The following MYO1E variants were observed in gnomAD, a reference collection of about 807,000 sequenced individuals.
MYO1E encodes unconventional myosin-Ie.
MYO1E carries 68 observed loss-of-function variants against 151.1 expected under a neutral mutation model. That is an observed-to-expected ratio of 0.45 (90% CI 0.37 to 0.55). MYO1E has a LOEUF of 0.55. Ranked by LOEUF, MYO1E falls within the 20% of genes least tolerant of loss-of-function variation. The probability of loss-of-function intolerance (pLI) is 0.00; values close to 1 mark genes in which losing one functional copy is unlikely to be tolerated. For synonymous variants in MYO1E, 601 were observed against 501.7 expected (o/e 1.20, Z -2.64); for missense variants, 1,363 against 1,389.3 (o/e 0.98, Z 0.30).
intron 22 of MYO1E, among the ~76,000 whole-genome samples, chr15:59,166,604 A>G (rs974035676): frequency 4.0e-5 from 6 of 150,970 alleles, no homozygotes; most frequent in African/African-American, 1.5e-4. Flanking sequence ...CCCTGCCTTT[A>G]TTTAAGCTTT....
intron 1 of MYO1E, among the ~76,000 whole-genome samples, chr15:59,295,303 C>T (rs1370256003): frequency 1.3e-5 from 2 of 151,978 alleles, no homozygotes; most frequent in East Asian, 3.9e-4. Flanking sequence ...AAGGCATGGA[C>T]GAGGGTAACA....
In MYO1E at chr15:59,188,097, C is replaced by T. The variant is rs77335532; in HGVS notation, c.1904+21G>A. ...CTCAATAAACCTGTTTTAAAAAAGG[C>T]CAGAGTCACTAGTTCATTACCTCTG... On this transcript the variant is annotated intron_variant, in intron 18 of 27. Transcript: ENST00000288235. 31,055 of 1,556,342 alleles carry T rather than the reference C, an allele frequency of 0.02. 2,471 individuals are homozygous for T. In the African/African-American group the frequency reaches 0.23, roughly 11 times the overall value.
At chr15:59,333,881 T>C (rs1423071274) in intron 1 of MYO1E, among the ~76,000 whole-genome samples, 4 of 152,180 alleles carry the variant, frequency 2.6e-5, no homozygotes, top group Non-Finnish European at 5.9e-5. Flanking sequence ...TACTTCTTCC[T>C]CTGAAACCCC....
intron 1 of MYO1E, among the ~76,000 whole-genome samples, chr15:59,291,190 A>G (rs1233239133): frequency 6.6e-6 from 1 of 152,246 alleles, no homozygotes; most frequent in Admixed American, 6.5e-5. Flanking sequence ...CAAGTGCACA[A>G]AAGTCTCTTT....
Position 59,163,201 on chromosome 15 carries a change from G to A in MYO1E, c.2583C>T (p.Tyr861=), listed in dbSNP as rs759402359. ...TEFLSLLAKR[Y]EEKTQKQLPL... Reference sequence around the variant, plus strand: ...GTAGTTGCTTCTGGGTCTTCTCCTCGTAACGCTTTGCTAAGAGGCTTAGGA... The same window carrying A: ...GTAGTTGCTTCTGGGTCTTCTCCTCATAACGCTTTGCTAAGAGGCTTAGGA... Residue 861 remains tyrosine, a synonymous_variant, in exon 23 of 28, where the codon TAC becomes TAT. Coordinates refer to ENST00000288235, the MANE Select transcript of MYO1E (RefSeq NM_004998.4). 1.3e-5 allele frequency: 21 copies of A among 1,613,966 alleles called. No individual in the cohort carries two copies. The highest frequency in any genetic ancestry group is 1.1e-4 in the East Asian group (5 of 44,896).
At position 59,202,311 on chromosome 15, in the gene MYO1E, T is replaced by A; in HGVS notation, c.1698+15A>T. ...CCCTTATAAGAATCTATAAACTTCCTAAAATAGAACTAACCTTTATTTTGC... is the reference window on the plus strand; with the variant it reads ...CCCTTATAAGAATCTATAAACTTCCAAAAATAGAACTAACCTTTATTTTGC... On this transcript the variant is annotated intron_variant, in intron 16 of 27. Coordinates refer to ENST00000288235, the MANE Select transcript of MYO1E (RefSeq NM_004998.4). 1 of 1,610,004 alleles carries A rather than the reference T, an allele frequency of 6.2e-7. No homozygotes were observed. The highest frequency in any genetic ancestry group is 8.5e-7 in the Non-Finnish European group (1 of 1,176,224).
intron 1 of MYO1E, among the ~76,000 whole-genome samples, chr15:59,296,063 C>A (rs2080446753): frequency 6.6e-6 from 1 of 152,248 alleles, no homozygotes; most frequent in South Asian, 2.1e-4. Flanking sequence ...AATTTCTAAG[C>A]ATACTAAAAG....
At chr15:59,217,822 C>G (rs1033709069) in intron 10 of MYO1E, 69 bp downstream of exon 10, 1 of 1,565,554 alleles carries the variant, frequency 6.4e-7, no homozygotes, top group Non-Finnish European at 8.8e-7. Flanking sequence ...GCCACCGCAC[C>G]CAGCCTACTA....
chr15:59,324,673 C>A (rs868843780), intron 1 of MYO1E, among the ~76,000 whole-genome samples: 47 of 147,144 alleles, frequency 3.2e-4, no homozygotes, highest in Middle Eastern at 3.4e-3. Context: ...GCCCCCCCCC[C>A]ACAGAGGGCA....
rs189286711 is a variant in MYO1E at position 59,143,989 on chromosome 15, T to C, written c.3081-5622A>G. On this transcript the variant is annotated intron_variant, in intron 26 of 27. Transcript: ENST00000288235. ...AGCATGACAGTGACTTGTGTGGCTA[T>C]TTGGCTAACTCCCCCTGAGATGGGG... is the stretch of plus-strand genomic sequence containing the variant. Among the ~76,000 whole-genome samples, 185 of 152,254 alleles carry C rather than the reference T, an allele frequency of 1.2e-3. 8 individuals carry two copies. The East Asian group carries it at 0.03, about 25-fold the overall frequency.
Position 59,196,986 on chromosome 15 carries a change from CTTTTTTTTTTT to C in MYO1E, c.1699-1430_1699-1420del, listed in dbSNP as rs71977305. ...ATTTTAGTTTTGTATTTAATTACGA[CTTTTTTTTTTT>C]TTTTTTTTTTTTTGAGATGGAGTCT... is the stretch of plus-strand genomic sequence containing the variant. On this transcript the variant is annotated intron_variant, in intron 16 of 27. Transcript: ENST00000288235. Among the ~76,000 whole-genome samples the C allele has an allele frequency of 4.2e-3, 299 of 71,532 alleles. 1 individual carries two copies. Among genetic ancestry groups the C allele is most frequent in the African/African-American group, 0.014 (279 of 19,592 alleles). The allele number at this position is 71,532 out of a possible 152,430, so 46.9% of individuals were successfully genotyped here.
At chr15:59,160,934 CT>C in intron 24 of MYO1E, 138 bp downstream of exon 24, 1 of 1,206,384 alleles carries the variant, frequency 8.3e-7, no homozygotes, top group South Asian at 1.3e-5. Flanking sequence ...ATGTTCCATT[CT>C]GAAGAAAGCG....
At chr15:59,143,171 C>G (rs570262852) in intron 26 of MYO1E, among the ~76,000 whole-genome samples, 1 of 152,274 alleles carries the variant, frequency 6.6e-6, no homozygotes, top group South Asian at 2.1e-4. Context: ...AATTTGGGGT[C>G]CATAATTGTC....
At position 59,174,124 on chromosome 15, in the gene MYO1E, A is replaced by G; in HGVS notation, c.2164+2T>C. The G allele has an allele frequency of 1.9e-6, 3 of 1,608,686 alleles. No homozygotes were observed. Among genetic ancestry groups the G allele is most frequent in the Non-Finnish European group, 2.6e-6 (3 of 1,175,112 alleles). ...ATCAATGAAACAAAATTGCTAAAAT[A>G]CCTTCTTCTCTCATTTGAACGTATT... On this transcript the variant is annotated splice_donor_variant, in intron 20 of 27. Transcript: ENST00000288235. LOFTEE classifies it high-confidence loss of function.
chr15:59,349,031 T>C (rs538985915), intron 1 of MYO1E, among the ~76,000 whole-genome samples: 3 of 151,950 alleles, frequency 2.0e-5, no homozygotes, highest in Admixed American at 6.6e-5. Context: ...GCCATGGACA[T>C]ATGGAAGAGG....
intron 22 of MYO1E, among the ~76,000 whole-genome samples, chr15:59,165,911 C>T (rs2140312884): frequency 6.6e-6 from 1 of 152,292 alleles, no homozygotes; most frequent in South Asian, 2.1e-4. Flanking sequence ...CTTTCTTTGG[C>T]ATGTCTGGTC....
At chr15:59,180,677 A>T (rs1466205615) in intron 18 of MYO1E, among the ~76,000 whole-genome samples, 1 of 151,902 alleles carries the variant, frequency 6.6e-6, no homozygotes, top group Admixed American at 6.6e-5. Context: ...GAAGCCTGAT[A>T]CATCCTCACC....
intron 1 of MYO1E, among the ~76,000 whole-genome samples, chr15:59,332,987 T>A (rs182723374): frequency 6.6e-6 from 1 of 152,182 alleles, no homozygotes; most frequent in African/African-American, 2.4e-5. Flanking sequence ...GAGTGAGGAA[T>A]TGAGCTGGAC....
At chr15:59,361,176 C>T (rs1172190442) in intron 1 of MYO1E, among the ~76,000 whole-genome samples, 5 of 152,188 alleles carry the variant, frequency 3.3e-5, no homozygotes, top group African/African-American at 1.2e-4. Context: ...AGTGAGGCCA[C>T]CCTAGATCAT....
Sources: gnomAD v4.1 joint callset for allele counts (sites outside exome capture counted in the v4.1 genomes callset) on GRCh38, gnomAD v4.1.1 for gene constraint, MANE v1.5 for transcripts, NCBI Gene and HGNC (gene_info 2026-07-23, HGNC 2026-07-21) for gene names.